The following PIP5K1B variants were observed in gnomAD, a reference collection of about 807,000 sequenced individuals.
The protein encoded by PIP5K1B is phosphatidylinositol 4-phosphate 5-kinase type-1 beta.
PIP5K1B carries 42 observed loss-of-function variants against 67.0 expected under a neutral mutation model. That is an observed-to-expected ratio of 0.63 (90% CI 0.49 to 0.81). The LOEUF is 0.81. Ranked by LOEUF, PIP5K1B falls within the 30% of genes least tolerant of loss-of-function variation. The probability of loss-of-function intolerance (pLI) is 0.00; values close to 1 mark genes in which losing one functional copy is unlikely to be tolerated. For synonymous variants in PIP5K1B, 214 were observed against 231.4 expected (o/e 0.92, Z 0.68); for missense variants, 459 against 646.3 (o/e 0.71, Z 3.14).
At chr9:68,946,140 A>G (rs1189024387) in intron 14 of PIP5K1B, among the ~76,000 whole-genome samples, 2 of 152,206 alleles carry the variant, frequency 1.3e-5, no homozygotes, top group African/African-American at 4.8e-5. Flanking sequence ...TGATACAGCA[A>G]GGTCAGCAGG....
At chr9:68,792,128 C>T (rs1207365976) in intron 2 of PIP5K1B, among the ~76,000 whole-genome samples, 1 of 152,244 alleles carries the variant, frequency 6.6e-6, no homozygotes, top group East Asian at 1.9e-4. Context: ...GTTCCCAGGG[C>T]TTCCCTCTAT....
intron 14 of PIP5K1B, among the ~76,000 whole-genome samples, chr9:68,950,124 T>G (rs1827987150): frequency 1.3e-5 from 2 of 152,166 alleles, no homozygotes; most frequent in African/African-American, 4.8e-5. Flanking sequence ...TGCTTCCCAG[T>G]GTGGTTCCTC....
At chr9:68,834,092 C>T (rs1834467464) in intron 4 of PIP5K1B, among the ~76,000 whole-genome samples, 1 of 152,250 alleles carries the variant, frequency 6.6e-6, no homozygotes, top group Non-Finnish European at 1.5e-5. Flanking sequence ...ATACACAAAG[C>T]TGGCCAAGTC....
chr9:68,780,957 A>G, intron 2 of PIP5K1B: 1 of 1,614,082 alleles, frequency 6.2e-7, no homozygotes, highest in Non-Finnish European at 8.5e-7. Context: ...CAGCACTACC[A>G]CCGACTCTCC....
At chr9:68,874,970 G>C (rs1172236561) in intron 5 of PIP5K1B, among the ~76,000 whole-genome samples, 2 of 152,060 alleles carry the variant, frequency 1.3e-5, no homozygotes, top group Non-Finnish European at 2.9e-5. Context: ...TGCCATATAA[G>C]TTCCAGAATC....
At chr9:68,951,053 A>G (rs747265228) in intron 14 of PIP5K1B, among the ~76,000 whole-genome samples, 5 of 152,230 alleles carry the variant, frequency 3.3e-5, no homozygotes, top group Non-Finnish European at 7.3e-5. Context: ...AGGTAAGTGT[A>G]AGGAGGGAAC....
chr9:68,853,639 G>A (rs563430587), intron 4 of PIP5K1B, among the ~76,000 whole-genome samples: 1 of 152,272 alleles, frequency 6.6e-6, no homozygotes, highest in African/African-American at 2.4e-5. Flanking sequence ...GGGTGTTCCA[G>A]GCAAATGATA....
chr9:68,771,628 T>A (rs1164157774), intron 2 of PIP5K1B, among the ~76,000 whole-genome samples: 1 of 152,202 alleles, frequency 6.6e-6, no homozygotes, highest in Non-Finnish European at 1.5e-5. Context: ...TGAGTTAATA[T>A]ACACAAAATA....
chr9:68,954,434 CAGCATAACTTAAT>C (rs1828272338), intron 14 of PIP5K1B, among the ~76,000 whole-genome samples: 1 of 152,202 alleles, frequency 6.6e-6, no homozygotes, highest in African/African-American at 2.4e-5. Context: ...CTAAGGTTTG[CAGCATAACTTAAT>C]AGCAAAAGTG....
At chr9:68,753,596 C>T (rs1407054590) in intron 2 of PIP5K1B, among the ~76,000 whole-genome samples, 1 of 132,648 alleles carries the variant, frequency 7.5e-6, no homozygotes, top group Non-Finnish European at 1.5e-5. Context: ...GTGATCTCAG[C>T]TCACTGCAAG....
In PIP5K1B at chr9:68,899,160, T is replaced by A. The variant is rs931250213; in HGVS notation, c.771+4522T>A. 7.4e-4 allele frequency among the ~76,000 whole-genome samples: 113 copies of A among 152,328 alleles called. 1 individual carries two copies. The highest frequency in any genetic ancestry group is 2.7e-3 in the African/African-American group (111 of 41,578). ...CATTCTCTAAAGGTTTTGGTTTTTT[T>A]ATGCATGCCTCACTCTGCTGGACCG... is the stretch of plus-strand genomic sequence containing the variant. On this transcript the variant is annotated intron_variant, in intron 8 of 15. Transcript: ENST00000265382.
intron 4 of PIP5K1B, 99 bp downstream of exon 4, chr9:68,822,782 A>G (rs1833795237): frequency 1.2e-6 from 1 of 825,964 alleles, no homozygotes; most frequent in Admixed American, 2.1e-5. Flanking sequence ...GTTGTAAGTT[A>G]CTATCTTAGT....
chr9:68,886,808 C>T (rs1824500262), intron 6 of PIP5K1B, among the ~76,000 whole-genome samples: 1 of 152,212 alleles, frequency 6.6e-6, no homozygotes, highest in Non-Finnish European at 1.5e-5. Flanking sequence ...TCCAGACCCT[C>T]CAATGGCTTT....
chr9:68,784,815 A>C (rs764044074), intron 2 of PIP5K1B, among the ~76,000 whole-genome samples: 5 of 152,274 alleles, frequency 3.3e-5, no homozygotes, highest in Non-Finnish European at 7.3e-5. Flanking sequence ...CTGAAACAGG[A>C]GGGAGAGTGA....
At position 68,789,052 on chromosome 9, in the gene PIP5K1B, C is replaced by G. The variant is rs1174925169; in HGVS notation, c.-85-29409C>G. ...CAGCTTGATACAGCATCAATCATCCCCTGGGTTTCAGCAGCAATTGTAGAA... is the reference window on the plus strand; with the variant it reads ...CAGCTTGATACAGCATCAATCATCCGCTGGGTTTCAGCAGCAATTGTAGAA... On this transcript the variant is annotated intron_variant, in intron 2 of 15. Coordinates refer to ENST00000265382, the MANE Select transcript of PIP5K1B (RefSeq NM_003558.4). 18 of 479,488 alleles carry G rather than the reference C, an allele frequency of 3.8e-5. No individual in the cohort carries two copies. The Admixed American group carries it at 4.5e-4, about 12-fold the overall frequency. 29.7% of individuals were successfully genotyped at this position (479,488 alleles called of 1,614,324 possible).
intron 4 of PIP5K1B, among the ~76,000 whole-genome samples, chr9:68,846,072 A>C (rs1435060964): frequency 2.0e-5 from 3 of 152,206 alleles, no homozygotes; most frequent in African/African-American, 7.2e-5. Flanking sequence ...CAAATAACTT[A>C]ATCTTACACA....
chr9:68,820,047 A>G (rs1030264935), intron 3 of PIP5K1B, among the ~76,000 whole-genome samples: 8 of 152,216 alleles, frequency 5.3e-5, no homozygotes, highest in African/African-American at 1.9e-4. Flanking sequence ...CATGCCAGTT[A>G]GTTAACCTCT....
chr9:68,761,229 A>G (rs77874163), intron 2 of PIP5K1B, among the ~76,000 whole-genome samples: 4 of 152,114 alleles, frequency 2.6e-5, no homozygotes, highest in Non-Finnish European at 5.9e-5. Flanking sequence ...TCTTGCATGC[A>G]CAAAGCCTCA....
At chr9:68,801,315 G>A (rs1832589889) in intron 2 of PIP5K1B, among the ~76,000 whole-genome samples, 1 of 152,104 alleles carries the variant, frequency 6.6e-6, no homozygotes, top group African/African-American at 2.4e-5. Context: ...TAGGAAAAGG[G>A]CACATTTTTT....
Sources: allele counts gnomAD v4.1 joint callset (sites outside exome capture counted in the v4.1 genomes callset), GRCh38; gene constraint gnomAD v4.1.1; transcripts MANE v1.5; gene names NCBI Gene and HGNC (gene_info 2026-07-23, HGNC 2026-07-21).